The following STXBP3 variants were observed in gnomAD, a reference collection of about 807,000 sequenced individuals.
STXBP3 encodes syntaxin binding protein 3, also known as syntaxin-binding protein 3.
STXBP3 carries 41 observed loss-of-function variants against 85.7 expected under a neutral mutation model. That is an observed-to-expected ratio of 0.48 (90% CI 0.37 to 0.62). The LOEUF (loss-of-function observed/expected upper bound fraction) is 0.62. Among genes scored for constraint, STXBP3 ranks in the 20% least tolerant of loss-of-function variants. STXBP3 has a pLI of 0.00. For missense variants in STXBP3, 563 were observed against 703.1 expected (o/e 0.80, Z 2.25); for synonymous variants, 229 against 231.7 (o/e 0.99, Z 0.10).
intron 17 of STXBP3, among the ~76,000 whole-genome samples, chr1:108,802,617 C>G (rs947011874): frequency 6.6e-6 from 1 of 152,160 alleles, no homozygotes; most frequent in African/African-American, 2.4e-5. Flanking sequence ...ATATTCACCA[C>G]CACCGTTCTT....
intron 11 of STXBP3, among the ~76,000 whole-genome samples, chr1:108,784,372 C>T (rs1312926645): frequency 6.6e-6 from 1 of 152,164 alleles, no homozygotes; most frequent in African/African-American, 2.4e-5. Context: ...CAGAAGCCAC[C>T]ATGTCACAGG....
chr1:108,806,955 AAAAATCAAT>A (rs1663349601), intron 17 of STXBP3, among the ~76,000 whole-genome samples: 1 of 152,136 alleles, frequency 6.6e-6, no homozygotes, highest in Non-Finnish European at 1.5e-5. Context: ...TCATTTCCTT[AAAAATCAAT>A]GTAATTGGGC....
intron 6 of STXBP3, chr1:108,767,296 A>C (rs1662284062): frequency 4.4e-6 from 1 of 228,528 alleles, no homozygotes. Context: ...CAAAGGAGGT[A>C]ACGTTCTTCA....
At chr1:108,772,602 A>C in intron 6 of STXBP3, 63 bp from the exon 7 acceptor site, 1 of 802,354 alleles carries the variant, frequency 1.2e-6, no homozygotes, top group Admixed American at 4.7e-5. Flanking sequence ...ACATAAATAT[A>C]AATATATATT....
chr1:108,760,139 G>T, intron 6 of STXBP3, 54 bp downstream of exon 6: 2 of 1,031,504 alleles, frequency 1.9e-6, no homozygotes, highest in East Asian at 5.4e-5. Context: ...TTGGTTTTAT[G>T]GCTTATTGTT....
rs183064170 is a variant in STXBP3 at position 108,786,897 on chromosome 1, C to A, written c.963+4191C>A. On this transcript the variant is annotated intron_variant, in intron 11 of 18. Transcript: ENST00000370008. ...GACAAAAATATTGCATCTTCTGATC[C>A]AAGAACATAGAATATAGCTCCACTT... is the stretch of plus-strand genomic sequence containing the variant. 3.9e-5 allele frequency among the ~76,000 whole-genome samples: 6 copies of A among 152,302 alleles called. No individual in the cohort carries two copies. In the East Asian group the frequency reaches 1.2e-3, roughly 29 times the overall value.
chr1:108,801,177 CTTG>C (rs747922473), intron 17 of STXBP3, among the ~76,000 whole-genome samples: 3 of 151,960 alleles, frequency 2.0e-5, no homozygotes, highest in East Asian at 1.9e-4. Flanking sequence ...CTGTTGTTAA[CTTG>C]TTACCATATT....
chr1:108,807,257 CAAAAAAAAAAAAAAA>C, intron 17 of STXBP3, 129 bp from the exon 18 acceptor site: 10 of 695,200 alleles, frequency 1.4e-5, no homozygotes, highest in South Asian at 4.0e-5. Flanking sequence ...GACTCCACCT[CAAAAAAAAAAAAAAA>C]AAAAAAAAAT....
In STXBP3 at chr1:108,807,257, CAAAAAAAAAAA is replaced by C. The variant is rs201346701; in HGVS notation, c.1536-130_1536-120del. 3,678 of 699,326 alleles carry C rather than the reference CAAAAAAAAAAA, an allele frequency of 5.3e-3. 19 individuals carry two copies. Among genetic ancestry groups the C allele is most frequent in the Middle Eastern group, 8.2e-3 (17 of 2,072 alleles). 43.3% of individuals were successfully genotyped at this position (699,326 alleles called of 1,614,324 possible). A position where few individuals can be genotyped will look rare whatever the true frequency, so the allele number is the denominator to read the frequency against. On this transcript the variant is annotated intron_variant, in intron 17 of 18. Coordinates refer to ENST00000370008, the MANE Select transcript of STXBP3 (RefSeq NM_007269.4). ...TGGGCTACAAAGTGAGACTCCACCT[CAAAAAAAAAAA>C]AAAAAAAAAAAAATCAATGTAATTG... is the stretch of plus-strand genomic sequence containing the variant.
chr1:108,801,130 A>G (rs1663224726), intron 17 of STXBP3, among the ~76,000 whole-genome samples: 1 of 151,800 alleles, frequency 6.6e-6, no homozygotes, highest in Non-Finnish European at 1.5e-5. Flanking sequence ...TTTCCATTTG[A>G]TTTTTTTAAA....
intron 6 of STXBP3, chr1:108,767,380 T>C: frequency 4.3e-6 from 1 of 234,038 alleles, no homozygotes. Flanking sequence ...CTTAGATCAG[T>C]AATGCATGTA....
At chr1:108,798,297 T>G (rs549298546) in intron 16 of STXBP3, 60 bp downstream of exon 16, 25 of 1,394,670 alleles carry the variant, frequency 1.8e-5, no homozygotes, top group Non-Finnish European at 2.4e-5. Flanking sequence ...ATTCTTTACT[T>G]TTTGTAGTTT....
chr1:108,796,792 GT>G (rs35138668), intron 15 of STXBP3, 66 bp downstream of exon 15: 230,659 of 871,306 alleles, frequency 0.26, 14,653 homozygotes, highest in East Asian at 0.61. Context: ...TGTATTAACT[GT>G]TTTTTTTTTT....
chr1:108,779,613 G>A, intron 9 of STXBP3: 2 of 468,898 alleles, frequency 4.3e-6, no homozygotes, highest in Non-Finnish European at 6.6e-6. Context: ...TGATTGCTTT[G>A]GAGCATTTTT....
intron 3 of STXBP3, 185 bp downstream of exon 3, chr1:108,753,329 A>G (rs964286820): frequency 4.6e-5 from 2 of 43,878 alleles, no homozygotes; most frequent in Non-Finnish European, 1.7e-4. Context: ...GCCGAGACAT[A>G]TAATTAAGAC....
intron 8 of STXBP3, among the ~76,000 whole-genome samples, chr1:108,778,492 A>G (rs1662635885): frequency 6.6e-6 from 1 of 152,190 alleles, no homozygotes. Context: ...CCTGCATTTG[A>G]ATCTCCATTC....
chr1:108,793,152 T>C (rs1360523027), intron 11 of STXBP3, among the ~76,000 whole-genome samples: 1 of 146,100 alleles, frequency 6.8e-6, no homozygotes, highest in Non-Finnish European at 1.5e-5. Flanking sequence ...CAAGCTCTTA[T>C]CTCCATTTTT....
intron 7 of STXBP3, among the ~76,000 whole-genome samples, chr1:108,775,603 T>G (rs1662570255): frequency 6.6e-6 from 1 of 152,076 alleles, no homozygotes; most frequent in African/African-American, 2.4e-5. Flanking sequence ...CTTTCTACTT[T>G]CTGCATGAGA....
At chr1:108,781,085 C>T (rs1377955468) in intron 9 of STXBP3, 2 of 152,156 alleles carry the variant, frequency 1.3e-5, no homozygotes, top group African/African-American at 4.8e-5. Flanking sequence ...AGGCTTGTTA[C>T]TCTTATCTCT....
Sources: allele counts gnomAD v4.1 joint callset (sites outside exome capture counted in the v4.1 genomes callset), GRCh38; gene constraint gnomAD v4.1.1; transcripts MANE v1.5; gene names NCBI Gene and HGNC (gene_info 2026-07-23, HGNC 2026-07-21).